RNF4: variants seen among roughly 807,000 people sequenced by gnomAD.
RNF4 encodes the protein ring finger protein 4.
A neutral mutation model predicts 24.3 loss-of-function variants in RNF4; 7 were observed. The observed-to-expected ratio is 0.29, with a 90% CI of 0.16 to 0.54. The LOEUF is 0.54. Ranked by LOEUF, RNF4 falls within the 20% of genes least tolerant of loss-of-function variation. The pLI, the probability that RNF4 is intolerant of heterozygous loss-of-function variation, is 0.95. For missense variants in RNF4, 209 were observed against 248.5 expected (o/e 0.84, Z 1.07); for synonymous variants, 83 against 84.3 (o/e 0.98, Z 0.09).
At chr4:2,487,573 A>G (rs775403393) in intron 1 of RNF4, among the ~76,000 whole-genome samples, 66 of 152,218 alleles carry the variant, frequency 4.3e-4, no homozygotes, top group Non-Finnish European at 7.8e-4. Flanking sequence ...GGCATGAGCC[A>G]CTGCCCAGCC....
rs907087966 is a variant in RNF4 at position 2,514,023 on chromosome 4, T to C, written c.*204T>C. ...CTGGACCCAGGGCCCTCCCAGGCCATCTCTGTTCCTCTGGGGTGGTCCAGT... is the reference window on the plus strand; with the variant it reads ...CTGGACCCAGGGCCCTCCCAGGCCACCTCTGTTCCTCTGGGGTGGTCCAGT... On this transcript the variant is annotated 3_prime_UTR_variant, in exon 8 of 8. Coordinates refer to ENST00000314289, the MANE Select transcript of RNF4 (RefSeq NM_002938.5). 7 of 634,654 alleles carry C rather than the reference T, an allele frequency of 1.1e-5. No homozygotes were observed. In the African/African-American group the frequency reaches 1.3e-4, roughly 12 times the overall value. 39.3% of individuals were successfully genotyped at this position (634,654 alleles called of 1,614,324 possible).
intron 4 of RNF4, among the ~76,000 whole-genome samples, chr4:2,503,000 G>A (rs768771776): frequency 2.0e-5 from 3 of 152,042 alleles, no homozygotes; most frequent in Non-Finnish European, 4.4e-5. Context: ...ACAGGTGCAT[G>A]CCACCATACA....
At position 2,495,629 on chromosome 4, in the gene RNF4, C is replaced by CTTT. The variant is rs1439215030; in HGVS notation, c.10-1370_10-1368dup. 2.8e-5 allele frequency among the ~76,000 whole-genome samples: 3 copies of CTTT among 105,706 alleles called. No individual in the cohort carries two copies. In the South Asian group the frequency reaches 9.7e-4, roughly 34 times the overall value. 69.3% of individuals were successfully genotyped at this position (105,706 alleles called of 152,430 possible). The stretch of plus-strand genomic sequence containing the variant: ...AGGTGACAGGCTCTGTTGGGAAGCT[C>CTTT]TTTTTTTTTTGGGGGGGGGTGAGAT... On this transcript the variant is annotated intron_variant, in intron 2 of 7. Coordinates refer to ENST00000314289, the MANE Select transcript of RNF4 (RefSeq NM_002938.5).
chr4:2,478,657 G>T (rs911006759), intron 1 of RNF4, among the ~76,000 whole-genome samples: 1 of 152,248 alleles, frequency 6.6e-6, no homozygotes, highest in African/African-American at 2.4e-5. Context: ...CTGCGAGTGC[G>T]CAGAAGTCAA....
rs1034258316 is a variant in RNF4, at chr4:2,474,954, G to A, written c.-158+5696G>A. Reference sequence around the variant, plus strand: ...AGACAGGAGAATTGCTTGAACCAGGGAGGCAGAGGTTGCGGTGAGCCAAGA... The same window carrying A: ...AGACAGGAGAATTGCTTGAACCAGGAAGGCAGAGGTTGCGGTGAGCCAAGA... On this transcript the variant is annotated intron_variant, in intron 1 of 7. Transcript: ENST00000314289. Among the ~76,000 whole-genome samples the A allele has an allele frequency of 3.3e-5, 5 of 152,282 alleles. No individual in the cohort carries two copies. The South Asian group carries it at 6.2e-4, about 19-fold the overall frequency.
chr4:2,505,027 C>T (rs954380214), intron 4 of RNF4: 1 of 152,136 alleles, frequency 6.6e-6, no homozygotes, highest in Admixed American at 6.6e-5. Context: ...AGCCGCTGCA[C>T]CTGGCTGTTA....
rs1578531492 is a variant in RNF4 at position 2,515,547 on chromosome 4, A to C, written c.*1728A>C. 1 of 152,304 alleles carries C rather than the reference A, an allele frequency of 6.6e-6. No homozygotes were observed. The highest frequency in any genetic ancestry group is 2.4e-5 in the African/African-American group (1 of 41,460). 9.4% of individuals were successfully genotyped at this position (152,304 alleles called of 1,614,324 possible). A position where few individuals can be genotyped will look rare whatever the true frequency, so the allele number is the denominator to read the frequency against. ...AGGCAACCTTGGAGTCAGTCCACTC[A>C]TAAAATATGGTAACACCCATTTTAA... On this transcript the variant is annotated 3_prime_UTR_variant, in exon 8 of 8. Transcript: ENST00000314289.
chr4:2,497,151 G>C (rs1225033565), intron 3 of RNF4, 30 bp downstream of exon 3: 1 of 1,530,558 alleles, frequency 6.5e-7, no homozygotes, highest in Non-Finnish European at 8.9e-7. Context: ...TACAACTGTG[G>C]GGTGTTAAAG....
Position 2,484,080 on chromosome 4 carries a change from C to T in RNF4, c.-157-6257C>T, listed in dbSNP as rs1239571913. 9.7e-4 allele frequency among the ~76,000 whole-genome samples: 88 copies of T among 90,464 alleles called. 6 individuals carry two copies. The highest frequency in any genetic ancestry group is 3.3e-3 in the African/African-American group (84 of 25,106). The allele number at this position is 90,464 out of a possible 152,430, so 59.3% of individuals were successfully genotyped here. Reference sequence around the variant, plus strand: ...GGCCTCAGGTGATCCCCCCCCGCCTCGGCCTCCCAAAGTGCTGGGATTACA... The same window carrying T: ...GGCCTCAGGTGATCCCCCCCCGCCTTGGCCTCCCAAAGTGCTGGGATTACA... On this transcript the variant is annotated intron_variant, in intron 1 of 7. Transcript: ENST00000314289.
In RNF4 at chr4:2,514,486, A is replaced by G. The variant is rs1736356765; in HGVS notation, c.*667A>G. 6.5e-6 allele frequency: 1 copy of G among 154,030 alleles called. No individual in the cohort carries two copies. Among genetic ancestry groups the G allele is most frequent in the Non-Finnish European group, 1.4e-5 (1 of 69,056 alleles). 9.5% of individuals were successfully genotyped at this position (154,030 alleles called of 1,614,324 possible). ...TTTTCAGCAGCCCACAAGATGTAGCACTATTAGTGTCCCCCTCAGAGGCTT... is the reference window on the plus strand; with the variant it reads ...TTTTCAGCAGCCCACAAGATGTAGCGCTATTAGTGTCCCCCTCAGAGGCTT... On this transcript the variant is annotated 3_prime_UTR_variant, in exon 8 of 8. Transcript: ENST00000314289.
At chr4:2,492,197 CAA>C (rs1211407930) in intron 2 of RNF4, among the ~76,000 whole-genome samples, 23 of 122,160 alleles carry the variant, frequency 1.9e-4, no homozygotes, top group Admixed American at 1.7e-4. Context: ...GACTCCATCT[CAA>C]AAAAAAAAAA....
intron 2 of RNF4, 68 bp downstream of exon 2, chr4:2,490,570 C>A: frequency 1.1e-5 from 16 of 1,521,288 alleles, no homozygotes; most frequent in Non-Finnish European, 1.4e-5. Flanking sequence ...CCTTGTAGCA[C>A]ATTAGTGAAA....
rs558548328 is a variant in RNF4, at chr4:2,477,806, G to A, written c.-158+8548G>A. Among the ~76,000 whole-genome samples the A allele has an allele frequency of 2.0e-5, 3 of 152,212 alleles. No individual in the cohort carries two copies. In the South Asian group the frequency reaches 6.2e-4, roughly 32 times the overall value. ...TTTATTAGCATCGTGAAAACATACTGGTACAGTAAGTTGGTACCAGTAGAG... is the reference window on the plus strand; with the variant it reads ...TTTATTAGCATCGTGAAAACATACTAGTACAGTAAGTTGGTACCAGTAGAG... On this transcript the variant is annotated intron_variant, in intron 1 of 7. Transcript: ENST00000314289.
At chr4:2,494,031 CG>C (rs1422345478) in intron 2 of RNF4, among the ~76,000 whole-genome samples, 1 of 151,578 alleles carries the variant, frequency 6.6e-6, no homozygotes, top group African/African-American at 2.4e-5. Flanking sequence ...TTAGTAGAGA[CG>C]GGGTTTCAGC....
intron 1 of RNF4, among the ~76,000 whole-genome samples, chr4:2,478,769 C>CCTCCG (rs1252046869): frequency 2.6e-5 from 4 of 152,250 alleles, no homozygotes; most frequent in African/African-American, 9.6e-5. Context: ...TCATGGAGAA[C>CCTCCG]CTCCGCTAGG....
chr4:2,497,365 A>G (rs534285180), intron 3 of RNF4: 3 of 313,642 alleles, frequency 9.6e-6, no homozygotes, highest in Admixed American at 9.2e-5. Context: ...CGCAAATGAG[A>G]TAGCCCACCT....
intron 4 of RNF4, among the ~76,000 whole-genome samples, chr4:2,503,088 C>A (rs920416990): frequency 2.6e-5 from 4 of 152,084 alleles, no homozygotes; most frequent in Middle Eastern, 3.2e-3. Flanking sequence ...GATGCCCAGG[C>A]TGGTCTTGAA....
At chr4:2,504,510 CTTTG>C (rs201912102) in intron 4 of RNF4, among the ~76,000 whole-genome samples, 1 of 149,332 alleles carries the variant, frequency 6.7e-6, no homozygotes, top group Non-Finnish European at 1.5e-5. Context: ...TTTAAAACTT[CTTTG>C]TTTTATAGCT....
intron 1 of RNF4, among the ~76,000 whole-genome samples, chr4:2,472,975 G>T (rs991460299): frequency 2.6e-5 from 4 of 152,050 alleles, no homozygotes; most frequent in Non-Finnish European, 5.9e-5. Context: ...GGGAAGAGGA[G>T]CTTGCAGTGA....
Sources: allele counts gnomAD v4.1 joint callset (sites outside exome capture counted in the v4.1 genomes callset), GRCh38; gene constraint gnomAD v4.1.1; transcripts MANE v1.5; gene names NCBI Gene and HGNC (gene_info 2026-07-23, HGNC 2026-07-21).